Variants in SLC8A1 observed in about 807,000 individuals in gnomAD.
SLC8A1 encodes the protein solute carrier family 8 member A1.
A neutral mutation model predicts 68.3 loss-of-function variants in SLC8A1; 18 were observed. The observed-to-expected ratio is 0.26, with a 90% confidence interval of 0.18 to 0.39. The LOEUF is 0.39. Among genes scored for constraint, SLC8A1 ranks in the 10% least tolerant of loss-of-function variants. The probability of loss-of-function intolerance (pLI) is 1.00; values close to 1 mark genes in which losing one functional copy is unlikely to be tolerated. For synonymous variants in SLC8A1, 475 were observed against 415.5 expected, an observed-to-expected ratio of 1.14 and a Z score of -1.74; for missense variants, 985 against 1,156.7, an observed-to-expected ratio of 0.85 and a Z score of 2.15.
At chr2:40,192,139 C>T (rs1339512471) in intron 2 of SLC8A1, among the ~76,000 whole-genome samples, 1 of 152,026 alleles carries the variant, frequency 6.6e-6, no homozygotes, top group African/African-American at 2.4e-5. Context: ...TTCACATGTG[C>T]TTTCATTATT....
At chr2:40,316,577 A>G (rs941811819) in intron 2 of SLC8A1, among the ~76,000 whole-genome samples, 1 of 152,016 alleles carries the variant, frequency 6.6e-6, no homozygotes, top group Non-Finnish European at 1.5e-5. Context: ...AGTTTTCATA[A>G]AACAACTTTT....
At chr2:40,408,523 T>C (rs1163851637) in intron 2 of SLC8A1, among the ~76,000 whole-genome samples, 1 of 152,120 alleles carries the variant, frequency 6.6e-6, no homozygotes, top group African/African-American at 2.4e-5. Flanking sequence ...AGGGACACAG[T>C]AAAACATAAT....
rs1283502890 is a variant in SLC8A1 at position 40,126,320 on chromosome 2, T to C, written c.2438-10691A>G. ...ACTATGAAAGCATTTTTTATGTGTG[T>C]GTGTTAAATGCAAGGGGTCTATCTT... On this transcript the variant is annotated intron_variant, in intron 7 of 7. Coordinates refer to ENST00000406785, the Ensembl canonical transcript of SLC8A1. Among the ~76,000 whole-genome samples the C allele has an allele frequency of 9.9e-5, 15 of 152,216 alleles. No homozygotes were observed. The East Asian group carries it at 2.9e-3, about 29-fold the overall frequency.
chr2:40,326,000 A>T (rs946915647), intron 2 of SLC8A1, among the ~76,000 whole-genome samples: 2 of 152,052 alleles, frequency 1.3e-5, no homozygotes, highest in Non-Finnish European at 2.9e-5. Context: ...TCACACGCCC[A>T]CAGGGAAAGT....
chr2:40,324,027 G>GA (rs1559243347), intron 2 of SLC8A1, among the ~76,000 whole-genome samples: 11 of 149,804 alleles, frequency 7.3e-5, no homozygotes, highest in African/African-American at 2.5e-4. Context: ...CAAGTTAAAG[G>GA]TGGGGGGGGG....
chr2:40,268,560 C>G (rs1399567650), intron 2 of SLC8A1, among the ~76,000 whole-genome samples: 1 of 152,168 alleles, frequency 6.6e-6, no homozygotes, highest in East Asian at 1.9e-4. Context: ...GTGGATAATT[C>G]TCTATATTCC....
chr2:40,165,057 G>A, intron 4 of SLC8A1, 73 bp from the exon 8 acceptor site: 3 of 1,589,950 alleles, frequency 1.9e-6, no homozygotes, highest in Non-Finnish European at 1.7e-6. Flanking sequence ...CCTGCCATAA[G>A]AAAGCCAAGG....
At chr2:40,276,799 T>C (rs1366796846) in intron 2 of SLC8A1, among the ~76,000 whole-genome samples, 1 of 152,226 alleles carries the variant, frequency 6.6e-6, no homozygotes, top group East Asian at 1.9e-4. Context: ...TTCTCTGCTT[T>C]TAAAAATCTA....
At chr2:40,384,099 G>T (rs6746987) in intron 2 of SLC8A1, among the ~76,000 whole-genome samples, 73 of 146,254 alleles carry the variant, frequency 5.0e-4, no homozygotes, top group East Asian at 3.2e-3. Flanking sequence ...CATCTCTACA[G>T]TTTTTTTTTT....
chr2:40,474,691 T>C (rs974887843), intron 1 of SLC8A1, among the ~76,000 whole-genome samples: 3 of 152,346 alleles, frequency 2.0e-5, no homozygotes, highest in South Asian at 2.1e-4. Flanking sequence ...CCCTTTGATT[T>C]AGGTTCTAAT....
At chr2:40,402,778 G>C (rs966844361) in intron 2 of SLC8A1, among the ~76,000 whole-genome samples, 5 of 152,188 alleles carry the variant, frequency 3.3e-5, no homozygotes, top group Middle Eastern at 3.2e-3. Context: ...TAAAAGGAAA[G>C]CTTGCAAGTG....
At chr2:40,104,579 A>G (rs1228295844) in exon 8 of SLC8A1, 1 of 152,204 alleles carries the variant, frequency 6.6e-6, no homozygotes, top group African/African-American at 2.4e-5. Flanking sequence ...AATGTAGACC[A>G]AAATGGAAGG....
At chr2:40,334,921 C>G (rs1198839003) in intron 2 of SLC8A1, among the ~76,000 whole-genome samples, 1 of 152,186 alleles carries the variant, frequency 6.6e-6, no homozygotes, top group Non-Finnish European at 1.5e-5. Context: ...CTTCATGTCA[C>G]CTACCACTGT....
rs1224120658 is a variant in SLC8A1, at chr2:40,186,642, T to TA, written c.1809-8788dup. Among the ~76,000 whole-genome samples the TA allele has an allele frequency of 6.6e-5, 10 of 152,318 alleles. No individual in the cohort carries two copies. In the South Asian group the frequency reaches 2.1e-3, roughly 32 times the overall value. ...ATAAAAACAGGACTGAATCATGACT[T>TA]AAATCTATTGTTTCCTTTCTCGAAA... On this transcript the variant is annotated intron_variant, in intron 2 of 7. Coordinates refer to ENST00000406785, the Ensembl canonical transcript of SLC8A1.
At chr2:40,367,600 A>G (rs1241895624) in intron 2 of SLC8A1, among the ~76,000 whole-genome samples, 1 of 151,934 alleles carries the variant, frequency 6.6e-6, no homozygotes, top group Non-Finnish European at 1.5e-5. Flanking sequence ...ACAAACGTAC[A>G]TGTGTCATCA....
intron 2 of SLC8A1, among the ~76,000 whole-genome samples, chr2:40,406,251 G>C (rs1203119272): frequency 6.6e-6 from 1 of 152,092 alleles, no homozygotes; most frequent in African/African-American, 2.4e-5. Context: ...TTTTCTTTTT[G>C]TTAGGCAGTG....
At chr2:40,128,486 C>T (rs1373886223) in intron 7 of SLC8A1, among the ~76,000 whole-genome samples, 1 of 152,146 alleles carries the variant, frequency 6.6e-6, no homozygotes, top group East Asian at 1.9e-4. Context: ...GTATGACGTG[C>T]TGGGGCCATG....
At chr2:40,382,292 T>C (rs28544231) in intron 2 of SLC8A1, among the ~76,000 whole-genome samples, 10,609 of 152,110 alleles carry the variant, frequency 0.07, 1,208 homozygotes, top group African/African-American at 0.24. Flanking sequence ...AATGATGACT[T>C]ATTGGTGAAC....
At chr2:40,446,263 A>C (rs1701424471) in intron 1 of SLC8A1, among the ~76,000 whole-genome samples, 1 of 152,292 alleles carries the variant, frequency 6.6e-6, no homozygotes, top group African/African-American at 2.4e-5. Flanking sequence ...CTGGAAGTTC[A>C]TCCTACATTT....
Sources: gnomAD v4.1 joint callset for allele counts (sites outside exome capture counted in the v4.1 genomes callset) on GRCh38, gnomAD v4.1.1 for gene constraint, MANE v1.5 for transcripts, NCBI Gene and HGNC (gene_info 2026-07-23, HGNC 2026-07-21) for gene names.